Variants in TBC1D9 observed in about 807,000 individuals in gnomAD.
TBC1D9 encodes TBC1 domain family member 9.
A neutral mutation model predicts 132.0 loss-of-function variants in TBC1D9; 63 were observed. The ratio of observed to expected loss-of-function variants is 0.48; its 90% CI spans 0.39 to 0.59. TBC1D9 has a LOEUF of 0.59. Among genes scored for constraint, TBC1D9 ranks in the 20% least tolerant of loss-of-function variants. The pLI, the probability that TBC1D9 is intolerant of heterozygous loss-of-function variation, is 0.00. For missense variants in TBC1D9, 1,261 were observed against 1,592.7 expected (o/e 0.79, Z 3.54); for synonymous variants, 610 against 609.9 (o/e 1.00, Z 0.00).
chr4:140,668,671 G>C (rs1737485250), intron 9 of TBC1D9, among the ~76,000 whole-genome samples: 1 of 152,196 alleles, frequency 6.6e-6, no homozygotes, highest in African/African-American at 2.4e-5. Context: ...TGAAGAAATG[G>C]AAGTATTTAT....
intron 2 of TBC1D9, among the ~76,000 whole-genome samples, chr4:140,691,220 C>T (rs1193892192): frequency 6.6e-6 from 1 of 152,098 alleles, no homozygotes; most frequent in Non-Finnish European, 1.5e-5. Context: ...CCACTTCTCA[C>T]CCCAGAAAAA....
chr4:140,733,341 T>C (rs1391935885), intron 1 of TBC1D9, among the ~76,000 whole-genome samples: 3 of 152,076 alleles, frequency 2.0e-5, no homozygotes, highest in African/African-American at 7.2e-5. Context: ...CAGATACCAA[T>C]CCCTCCTTTG....
intron 2 of TBC1D9, among the ~76,000 whole-genome samples, chr4:140,694,101 A>G (rs4956330): frequency 0.49 from 74,470 of 152,010 alleles, 20,724 homozygotes; most frequent in African/African-American, 0.76. Flanking sequence ...GATTCAAGAT[A>G]TCTACTTCCA....
chr4:140,694,328 C>T (rs532015398), intron 2 of TBC1D9, among the ~76,000 whole-genome samples: 81 of 152,128 alleles, frequency 5.3e-4, no homozygotes, highest in Admixed American at 1.4e-3. Flanking sequence ...ACTAGCACTT[C>T]GGGAGGCCGA....
intron 7 of TBC1D9, 57 bp from the exon 8 acceptor site, chr4:140,669,861 C>A: frequency 6.0e-6 from 9 of 1,498,420 alleles, no homozygotes; most frequent in Non-Finnish European, 6.4e-6. Context: ...GAACCTACTT[C>A]TTCAGTGTCT....
intron 5 of TBC1D9, among the ~76,000 whole-genome samples, chr4:140,678,467 C>T (rs1348200613): frequency 6.6e-6 from 1 of 152,206 alleles, no homozygotes; most frequent in Non-Finnish European, 1.5e-5. Flanking sequence ...GCAGCCTCTC[C>T]TCATCCCATG....
intron 13 of TBC1D9, chr4:140,643,497 C>G: frequency 1.1e-6 from 1 of 884,938 alleles, no homozygotes; most frequent in Non-Finnish European, 1.9e-6. Context: ...CACGGCCTCC[C>G]GGGGCTCCAG....
chr4:140,701,569 C>T lies in TBC1D9; in HGVS notation c.176G>A (p.Arg59Gln), dbSNP rs1407462177. The T allele has an allele frequency of 8.1e-6, 13 of 1,613,892 alleles. No homozygotes were observed. The highest frequency in any genetic ancestry group is 1.1e-5 in the Non-Finnish European group (13 of 1,179,854). Residue 59 changes from arginine to glutamine, a missense_variant, in exon 2 of 21, where the codon CGG becomes CAG. This residue lies in a region of TBC1D9 where 550 missense variants were observed against 699.0 expected (regional missense o/e 0.79). Coordinates refer to ENST00000442267, the MANE Select transcript of TBC1D9 (RefSeq NM_015130.3). ...GTACAAGATTCGGTAAGGAGCGACC[C>T]GGGCGCTGGAGTCCAACACAACATC... The part of the protein sequence containing the change: ...TLDVVLDSSA[R>Q]VAPYRILYQT...
intron 16 of TBC1D9, among the ~76,000 whole-genome samples, chr4:140,629,145 A>C (rs749430975): frequency 6.6e-6 from 1 of 152,312 alleles, no homozygotes; most frequent in Non-Finnish European, 1.5e-5. Flanking sequence ...CCCCAGTGAG[A>C]CAGGACTCCA....
In TBC1D9 at chr4:140,634,190, T is replaced by C; in HGVS notation, c.2506-2A>G. The C allele has an allele frequency of 6.2e-7, 1 of 1,611,412 alleles. No individual in the cohort carries two copies. The highest frequency in any genetic ancestry group is 8.5e-7 in the Non-Finnish European group (1 of 1,179,604). On this transcript the variant is annotated splice_acceptor_variant, in intron 15 of 20. Coordinates refer to ENST00000442267, the MANE Select transcript of TBC1D9 (RefSeq NM_015130.3). LOFTEE classifies it high-confidence loss of function. The stretch of plus-strand genomic sequence containing the variant: ...GTAGCAGCTGGTGAGATGTTCTGCC[T>C]GAAAAAGAATGGATGATCACTGGGG...
At chr4:140,681,558 C>T (rs898901676) in intron 3 of TBC1D9, among the ~76,000 whole-genome samples, 3 of 152,112 alleles carry the variant, frequency 2.0e-5, no homozygotes, top group Non-Finnish European at 4.4e-5. Flanking sequence ...AAGCACAGCC[C>T]CAAGACAAGT....
chr4:140,680,337 G>A (rs994355531), intron 3 of TBC1D9, among the ~76,000 whole-genome samples: 2 of 152,118 alleles, frequency 1.3e-5, no homozygotes, highest in South Asian at 2.1e-4. Context: ...AGGGAAAAAC[G>A]AGTAATCATC....
chr4:140,752,870 G>T lies in TBC1D9; in HGVS notation c.130+3046C>A, dbSNP rs182070019. 3.2e-4 allele frequency among the ~76,000 whole-genome samples: 49 copies of T among 152,076 alleles called. 1 individual carries two copies. Among genetic ancestry groups the T allele is most frequent in the African/African-American group, 1.2e-3 (48 of 41,446 alleles). On this transcript the variant is annotated intron_variant, in intron 1 of 20. Transcript: ENST00000442267. Reference sequence around the variant, plus strand: ...ATGACCACACTTTGAGACCACTTCTGGCCAGTTCACACTGGGCAAGTTTCC... The same window carrying T: ...ATGACCACACTTTGAGACCACTTCTTGCCAGTTCACACTGGGCAAGTTTCC...
In TBC1D9 at chr4:140,650,114, T is replaced by A. The variant is rs1367363; in HGVS notation, c.2337+6983A>T. On this transcript the variant is annotated intron_variant, in intron 13 of 20. Transcript: ENST00000442267. Reference sequence around the variant, plus strand: ...AATACTCCATGTAAACTATTAGCTGTTGTGTGAACATGCTGCTGATTAAAT... The same window carrying A: ...AATACTCCATGTAAACTATTAGCTGATGTGTGAACATGCTGCTGATTAAAT... 3.9e-5 allele frequency among the ~76,000 whole-genome samples: 6 copies of A among 152,256 alleles called. No individual in the cohort carries two copies. The South Asian group carries it at 6.2e-4, about 16-fold the overall frequency.
intron 13 of TBC1D9, among the ~76,000 whole-genome samples, chr4:140,649,404 T>TGTTAGCA (rs1185502785): frequency 6.6e-6 from 1 of 152,248 alleles, no homozygotes; most frequent in Non-Finnish European, 1.5e-5. Flanking sequence ...GGTTCACTAC[T>TGTTAGCA]GTTAGCAGAA....
chr4:140,670,888 G>A lies in TBC1D9; in HGVS notation c.1098C>T (p.Leu366=), dbSNP rs369469196. Residue 366 remains leucine (L), a synonymous_variant, in exon 7 of 21, where the codon CTC becomes CTT. Transcript: ENST00000442267. ...IVEKADSSSV[L]PSPLSISTRN... ...GGGTGCTGATGGATAAGGGACTGGGGAGCACACTGGAGCTGTCTGCCTTTT... is the reference window on the plus strand; with the variant it reads ...GGGTGCTGATGGATAAGGGACTGGGAAGCACACTGGAGCTGTCTGCCTTTT... 1,411 of 1,613,994 alleles carry A rather than the reference G, an allele frequency of 8.7e-4. 3 individuals carry two copies. The highest frequency in any genetic ancestry group is 1.1e-3 in the Non-Finnish European group (1,309 of 1,179,886).
chr4:140,752,791 A>G (rs995484908), intron 1 of TBC1D9, among the ~76,000 whole-genome samples: 14 of 152,146 alleles, frequency 9.2e-5, no homozygotes, highest in Non-Finnish European at 1.9e-4. Context: ...AGTGTCCTCA[A>G]CTTTGACCCA....
chr4:140,734,133 T>A (rs998406439), intron 1 of TBC1D9, among the ~76,000 whole-genome samples: 7 of 152,172 alleles, frequency 4.6e-5, no homozygotes, highest in African/African-American at 1.7e-4. Flanking sequence ...ACTTTGCTTT[T>A]TGGATTTTTC....
At chr4:140,624,938 G>C (rs1736682091) in intron 18 of TBC1D9, among the ~76,000 whole-genome samples, 1 of 152,148 alleles carries the variant, frequency 6.6e-6, no homozygotes, top group Non-Finnish European at 1.5e-5. Flanking sequence ...TGTAATCCCA[G>C]CTACTCGGGA....
Sources: gnomAD v4.1 joint callset for allele counts (sites outside exome capture counted in the v4.1 genomes callset) on GRCh38, gnomAD v4.1.1 for gene constraint, gnomAD v4.1.1 regional missense constraint, MANE v1.5 for transcripts, NCBI Gene and HGNC (gene_info 2026-07-23, HGNC 2026-07-21) for gene names.